Variants in WHRN observed in about 807,000 individuals in gnomAD.
WHRN encodes CASK-interacting protein CIP98.
In WHRN, 41 loss-of-function variants were observed where a neutral mutation model predicts 68.3. The ratio of observed to expected loss-of-function variants is 0.60; its 90% confidence interval spans 0.47 to 0.78. The LOEUF (loss-of-function observed/expected upper bound fraction) is 0.78, where lower values mean the gene tolerates loss of function less well. Among genes scored for constraint, WHRN ranks in the 30% least tolerant of loss-of-function variants. The pLI, the probability that WHRN is intolerant of heterozygous loss-of-function variation, is 0.00. For missense variants in WHRN, 1,243 were observed against 1,244.7 expected (o/e 1.00, Z 0.02); for synonymous variants, 560 against 561.3 (o/e 1.00, Z 0.03).
At chr9:114,459,441 C>T (rs1840069033) in intron 3 of WHRN, among the ~76,000 whole-genome samples, 1 of 144,278 alleles carries the variant, frequency 6.9e-6, no homozygotes, top group South Asian at 2.4e-4. Flanking sequence ...CCAGCCTGGG[C>T]AATAGAGCGA....
At chr9:114,475,135 C>G (rs897846939) in intron 2 of WHRN, among the ~76,000 whole-genome samples, 64 of 152,148 alleles carry the variant, frequency 4.2e-4, no homozygotes, top group African/African-American at 1.5e-3. Context: ...TATGCTCCAG[C>G]AAGCCCACTT....
At chr9:114,486,910 T>TA (rs1842539714) in intron 1 of WHRN, among the ~76,000 whole-genome samples, 2 of 96,648 alleles carry the variant, frequency 2.1e-5, no homozygotes, top group South Asian at 4.5e-4. Flanking sequence ...GTGTGTAGAG[T>TA]GTGTGTGTGT....
intron 3 of WHRN, among the ~76,000 whole-genome samples, chr9:114,465,289 C>T (rs1840584722): frequency 6.6e-6 from 1 of 152,186 alleles, no homozygotes; most frequent in Non-Finnish European, 1.5e-5. Flanking sequence ...TTAGGGCATG[C>T]AAGGAAGGCC....
intron 3 of WHRN, among the ~76,000 whole-genome samples, chr9:114,465,835 T>C (rs4979407): frequency 0.17 from 25,454 of 152,122 alleles, 2,502 homozygotes; most frequent in East Asian, 0.3. Context: ...GAAAAGTAGA[T>C]CACAGACGCT....
chr9:114,495,834 T>C (rs1843410697), intron 1 of WHRN, among the ~76,000 whole-genome samples: 1 of 152,124 alleles, frequency 6.6e-6, no homozygotes, highest in Non-Finnish European at 1.5e-5. Flanking sequence ...AAGGGTACAC[T>C]GGGTCCAAAC....
At chr9:114,493,930 G>A (rs540345034) in intron 1 of WHRN, among the ~76,000 whole-genome samples, 1 of 152,378 alleles carries the variant, frequency 6.6e-6, no homozygotes, top group Non-Finnish European at 1.5e-5. Flanking sequence ...ACGCTGGGCT[G>A]TATGCCGTGC....
intron 3 of WHRN, among the ~76,000 whole-genome samples, chr9:114,435,193 CAGAG>C (rs1283125536): frequency 6.6e-6 from 1 of 152,198 alleles, no homozygotes; most frequent in African/African-American, 2.4e-5. Flanking sequence ...AGACTACAGA[CAGAG>C]AGTTCAAAGT....
In WHRN at chr9:114,504,452, G is replaced by C. The variant is rs772689669; in HGVS notation, c.350C>G (p.Pro117Arg). The C allele has an allele frequency of 1.9e-6, 3 of 1,607,430 alleles. No individual in the cohort carries two copies. The highest frequency in any genetic ancestry group is 2.5e-6 in the Non-Finnish European group (3 of 1,179,712). Reference protein sequence around the residue: ...DQYTAEGLYLPATTPYRQPAW... With the variant: ...DQYTAEGLYLRATTPYRQPAW... ...GGGCTGCCTGTAGGGGGTGGTGGCG[G>C]GCAGGTAGAGGCCCTCGGCCGTGTA... Residue 117 changes from proline to arginine, a missense_variant, in exon 1 of 12, where the codon CCC (proline) becomes CGC (arginine). Pro to Arg is a moderately radical substitution (Grantham distance 103). Coordinates refer to ENST00000362057, the MANE Select transcript of WHRN (RefSeq NM_015404.4).
chr9:114,461,082 C>T (rs1324630), intron 3 of WHRN, among the ~76,000 whole-genome samples: 116,109 of 152,134 alleles, frequency 0.76, 44,499 homozygotes, highest in East Asian at 0.97. Context: ...TTACTGAAGG[C>T]GGGCATTTTA....
chr9:114,480,324 C>T lies in WHRN; in HGVS notation c.619-1553G>A, dbSNP rs1842000213. ...CACTAGGATTAACAATAAACATAGC[C>T]TGTGTTAGGGACTGAATGTATTTCC... On this transcript the variant is annotated intron_variant, in intron 1 of 11. Transcript: ENST00000362057. Among the ~76,000 whole-genome samples, 6 of 152,232 alleles carry T rather than the reference C, an allele frequency of 3.9e-5. No homozygotes were observed. In the South Asian group the frequency reaches 1.2e-3, roughly 32 times the overall value.
At chr9:114,461,723 C>A (rs1411604490) in intron 3 of WHRN, among the ~76,000 whole-genome samples, 3 of 152,210 alleles carry the variant, frequency 2.0e-5, no homozygotes, top group African/African-American at 7.2e-5. Context: ...TAAATTTCAA[C>A]CGAAATGCTT....
At chr9:114,492,320 G>A (rs956538863) in intron 1 of WHRN, among the ~76,000 whole-genome samples, 4 of 152,146 alleles carry the variant, frequency 2.6e-5, no homozygotes, top group African/African-American at 9.7e-5. Context: ...GCTTAAAGAT[G>A]AATGTGCAGG....
At chr9:114,458,073 A>C (rs1448770253) in intron 3 of WHRN, among the ~76,000 whole-genome samples, 1 of 152,214 alleles carries the variant, frequency 6.6e-6, no homozygotes, top group East Asian at 1.9e-4. Context: ...AGCGTAATAC[A>C]TATTTTTTAA....
chr9:114,481,371 G>A (rs1021373689), intron 1 of WHRN, among the ~76,000 whole-genome samples: 10 of 152,226 alleles, frequency 6.6e-5, no homozygotes, highest in African/African-American at 2.4e-4. Context: ...CACAGGGTAA[G>A]ATTTACAGTA....
intron 9 of WHRN, among the ~76,000 whole-genome samples, chr9:114,404,789 T>C (rs891459338): frequency 6.6e-6 from 1 of 152,218 alleles, no homozygotes; most frequent in African/African-American, 2.4e-5. Flanking sequence ...ACTGGGGTGA[T>C]TGTAAAAACT....
chr9:114,468,018 C>T (rs533157262), intron 2 of WHRN, among the ~76,000 whole-genome samples: 1 of 152,326 alleles, frequency 6.6e-6, no homozygotes, highest in South Asian at 2.1e-4. Flanking sequence ...TGTGTTATCT[C>T]ATTGAATTCT....
intron 2 of WHRN, 158 bp downstream of exon 2, chr9:114,478,395 G>T: frequency 1.2e-6 from 1 of 807,434 alleles, no homozygotes; most frequent in Non-Finnish European, 2.2e-6. Flanking sequence ...AAAAAGAAAA[G>T]CAAAGAAAAA....
intron 2 of WHRN, 116 bp downstream of exon 2, chr9:114,478,437 A>T: frequency 1.7e-6 from 2 of 1,148,558 alleles, no homozygotes; most frequent in East Asian, 2.4e-5. Context: ...TTGAGGGAAG[A>T]CAGAGCCTGG....
At chr9:114,471,435 T>A (rs1210226705) in intron 2 of WHRN, among the ~76,000 whole-genome samples, 2 of 152,160 alleles carry the variant, frequency 1.3e-5, no homozygotes, top group African/African-American at 4.8e-5. Context: ...TTGCCTGCAG[T>A]GCCTGGGCAT....
Sources: gnomAD v4.1 joint callset for allele counts (sites outside exome capture counted in the v4.1 genomes callset) on GRCh38, gnomAD v4.1.1 for gene constraint, MANE v1.5 for transcripts, NCBI Gene and HGNC (gene_info 2026-07-23, HGNC 2026-07-21) for gene names.